FLVCR1: variants seen among roughly 807,000 people sequenced by gnomAD.
FLVCR1 encodes the protein FLVCR choline and heme transporter 1.
Under a neutral mutation model 53.6 loss-of-function variants are expected in FLVCR1, and 34 were observed. The ratio of observed to expected loss-of-function variants is 0.63; its 90% confidence interval spans 0.48 to 0.84. The LOEUF (loss-of-function observed/expected upper bound fraction) is 0.84, where lower values mean the gene tolerates loss of function less well. FLVCR1 is among the 40% of genes least tolerant of loss of function. The probability of loss-of-function intolerance (pLI) is 0.00; values close to 1 mark genes in which losing one functional copy is unlikely to be tolerated. For synonymous variants in FLVCR1, 300 were observed against 286.3 expected (o/e 1.05, Z -0.48); for missense variants, 677 against 696.7 (o/e 0.97, Z 0.32).
At chr1:212,891,831 A>C (rs568763277) in intron 8 of FLVCR1, among the ~76,000 whole-genome samples, 1 of 152,270 alleles carries the variant, frequency 6.6e-6, no homozygotes, top group Non-Finnish European at 1.5e-5. Flanking sequence ...GCACCAAACA[A>C]TTAGCCAAGT....
At chr1:212,894,530 A>G (rs1030022087) in intron 8 of FLVCR1, among the ~76,000 whole-genome samples, 1 of 152,102 alleles carries the variant, frequency 6.6e-6, no homozygotes, top group African/African-American at 2.4e-5. Context: ...TCTGCCTAGA[A>G]TGCCTTCCTC....
intron 3 of FLVCR1, among the ~76,000 whole-genome samples, chr1:212,877,174 C>G (rs1307289733): frequency 7.1e-6 from 1 of 140,862 alleles, no homozygotes; most frequent in Non-Finnish European, 1.5e-5. Flanking sequence ...CTCGCTCTGT[C>G]GCCCAGGCTG....
chr1:212,858,725 G>C lies in FLVCR1; in HGVS notation c.273G>C (p.Pro91=). 2 of 1,607,580 alleles carry C rather than the reference G, an allele frequency of 1.2e-6. No individual in the cohort carries two copies. The part of the protein sequence containing the change: ...LLPAGAGAET[P]GAESSPLPLT... The stretch of plus-strand genomic sequence containing the variant: ...CTGCGGGCGCGGGAGCTGAGACCCC[G>C]GGGGCCGAGAGCAGCCCGCTGCCCC... Residue 91 remains proline, a synonymous_variant, in exon 1 of 10, where the codon CCG becomes CCC. Transcript: ENST00000366971.
chr1:212,890,440 A>G (rs1665161910), intron 8 of FLVCR1, among the ~76,000 whole-genome samples: 3 of 151,332 alleles, frequency 2.0e-5, no homozygotes, highest in African/African-American at 7.3e-5. Flanking sequence ...ATACTCTAAT[A>G]CTAATGATAG....
chr1:212,864,094 C>T (rs572440052), intron 2 of FLVCR1, among the ~76,000 whole-genome samples: 15 of 152,308 alleles, frequency 9.8e-5, no homozygotes, highest in African/African-American at 3.1e-4. Flanking sequence ...TCATTTATCC[C>T]TCTACTAACT....
chr1:212,873,031 G>T lies in FLVCR1; in HGVS notation c.1024+213G>T, dbSNP rs760525158. ...TTTTTAAAAGGTAGTTTTTGGCCAGGCATGATGGCTCATGCTGGTAATCCC... is the reference window on the plus strand; with the variant it reads ...TTTTTAAAAGGTAGTTTTTGGCCAGTCATGATGGCTCATGCTGGTAATCCC... On this transcript the variant is annotated intron_variant, in intron 3 of 9. Transcript: ENST00000366971. Among the ~76,000 whole-genome samples the T allele has an allele frequency of 2.0e-5, 3 of 152,274 alleles. No individual in the cohort carries two copies. In the South Asian group the frequency reaches 6.2e-4, roughly 32 times the overall value.
intron 2 of FLVCR1, among the ~76,000 whole-genome samples, chr1:212,866,884 A>C (rs1664451493): frequency 6.6e-6 from 1 of 152,228 alleles, no homozygotes. Flanking sequence ...TACAGCTGTG[A>C]TATGAAAGTC....
At chr1:212,873,800 G>A (rs1011877834) in intron 3 of FLVCR1, among the ~76,000 whole-genome samples, 3 of 152,106 alleles carry the variant, frequency 2.0e-5, no homozygotes, top group Non-Finnish European at 4.4e-5. Flanking sequence ...GTACATAAAT[G>A]TTTTACAAGT....
chr1:212,880,848 A>G (rs971774206), intron 3 of FLVCR1, among the ~76,000 whole-genome samples: 14 of 151,920 alleles, frequency 9.2e-5, no homozygotes, highest in Non-Finnish European at 1.6e-4. Context: ...GGCCTGAAAC[A>G]TGAAAAGTTT....
intron 3 of FLVCR1, among the ~76,000 whole-genome samples, chr1:212,877,285 A>G (rs11120054): frequency 0.46 from 70,389 of 151,764 alleles, 17,555 homozygotes; most frequent in East Asian, 0.56. Context: ...ATTTTAATAT[A>G]AACAATAGAT....
intron 1 of FLVCR1, 133 bp from the exon 2 acceptor site, chr1:212,863,592 A>G: frequency 1.2e-6 from 1 of 864,530 alleles, no homozygotes; most frequent in East Asian, 2.7e-5. Flanking sequence ...CAAAAAAAAA[A>G]AAAAGAACAT....
chr1:212,882,167 A>G (rs2102562468), intron 3 of FLVCR1, among the ~76,000 whole-genome samples: 1 of 152,330 alleles, frequency 6.6e-6, no homozygotes, highest in Non-Finnish European at 1.5e-5. Context: ...TCTTATGTAT[A>G]AGAACAAAAA....
At chr1:212,890,725 A>G (rs1213004604) in intron 8 of FLVCR1, among the ~76,000 whole-genome samples, 1 of 152,210 alleles carries the variant, frequency 6.6e-6, no homozygotes, top group Non-Finnish European at 1.5e-5. Flanking sequence ...ATCTGGTTAT[A>G]ACTTAGTTGG....
chr1:212,892,934 G>A (rs1665230614), intron 8 of FLVCR1, among the ~76,000 whole-genome samples: 1 of 152,164 alleles, frequency 6.6e-6, no homozygotes, highest in South Asian at 2.1e-4. Context: ...CAAGACTTCA[G>A]TGGAGGAAAT....
At chr1:212,879,607 G>A (rs1338047826) in intron 3 of FLVCR1, among the ~76,000 whole-genome samples, 1 of 152,186 alleles carries the variant, frequency 6.6e-6, no homozygotes, top group Non-Finnish European at 1.5e-5. Flanking sequence ...CCAAGCTGGA[G>A]TGTAGTGGTG....
chr1:212,870,735 A>T (rs1267539672), intron 2 of FLVCR1, among the ~76,000 whole-genome samples: 3 of 152,034 alleles, frequency 2.0e-5, no homozygotes, highest in Non-Finnish European at 2.9e-5. Context: ...TATTTACTGA[A>T]TCCATTTACC....
chr1:212,859,095 G>GTGT lies in FLVCR1; in HGVS notation c.645_647dup (p.Val215_Phe216insLeu), dbSNP rs2102527680. The GTGT allele has an allele frequency of 1.9e-6, 3 of 1,613,844 alleles. No individual in the cohort carries two copies. Among genetic ancestry groups the GTGT allele is most frequent in the Non-Finnish European group, 2.5e-6 (3 of 1,179,986 alleles). ...CCAGTGCTTGTGCTCGGTGGCCCAG[G>GTGT]TGTTCATCCTGGGCTTGCCCTCCCG... On this transcript the variant is annotated inframe_insertion, in exon 1 of 10. Transcript: ENST00000366971.
intron 1 of FLVCR1, among the ~76,000 whole-genome samples, chr1:212,861,194 C>G (rs1664229589): frequency 6.6e-6 from 1 of 152,192 alleles, no homozygotes. Context: ...CAGACATATG[C>G]TTTCTCTGCT....
rs1442764687 is a variant in FLVCR1, at chr1:212,896,404, T to G, written c.*1114T>G. 4.0e-5 allele frequency: 6 copies of G among 151,862 alleles called. No individual in the cohort carries two copies. Among genetic ancestry groups the G allele is most frequent in the African/African-American group, 1.5e-4 (6 of 41,354 alleles). The allele number at this position is 151,862 out of a possible 1,614,324, so 9.4% of individuals were successfully genotyped here. Reference sequence around the variant, plus strand: ...ATGCTCTATCAGTGTGCCGGGAGAGTGGATTCTTTTCTTCACTGCAGAGTC... The same window carrying G: ...ATGCTCTATCAGTGTGCCGGGAGAGGGGATTCTTTTCTTCACTGCAGAGTC... On this transcript the variant is annotated 3_prime_UTR_variant, in exon 10 of 10. Transcript: ENST00000366971.
Sources: gnomAD v4.1 joint callset for allele counts (sites outside exome capture counted in the v4.1 genomes callset) on GRCh38, gnomAD v4.1.1 for gene constraint, MANE v1.5 for transcripts, NCBI Gene and HGNC (gene_info 2026-07-23, HGNC 2026-07-21) for gene names.